Variants in PRRG4 observed in about 807,000 individuals in gnomAD.
PRRG4 encodes proline rich and Gla domain 4, also known as transmembrane gamma-carboxyglutamic acid protein 4.
A neutral mutation model predicts 20.0 loss-of-function variants in PRRG4; 12 were observed. The observed-to-expected ratio is 0.60, with a 90% CI of 0.38 to 0.97. The LOEUF (loss-of-function observed/expected upper bound fraction) is 0.97. Among genes scored for constraint, PRRG4 ranks in the 50% least tolerant of loss-of-function variants. The pLI is 0.00. For missense variants in PRRG4, 199 were observed against 265.1 expected (o/e 0.75, Z 1.73); for synonymous variants, 94 against 96.4 (o/e 0.98, Z 0.15).
intron 2 of PRRG4, among the ~76,000 whole-genome samples, chr11:32,835,350 T>C (rs1202401482): frequency 6.6e-6 from 1 of 152,262 alleles, no homozygotes; most frequent in Non-Finnish European, 1.5e-5. Context: ...CCTACTTTAA[T>C]ACATTCTTTC....
intron 5 of PRRG4, 104 bp from the exon 6 acceptor site, chr11:32,853,192 T>G: frequency 1.3e-6 from 1 of 771,134 alleles, no homozygotes; most frequent in Non-Finnish European, 2.2e-6. Flanking sequence ...TATTAATACA[T>G]TGTGTTTAAT....
chr11:32,833,060 G>A (rs924830169), intron 2 of PRRG4, among the ~76,000 whole-genome samples: 1 of 152,142 alleles, frequency 6.6e-6, no homozygotes, highest in African/African-American at 2.4e-5. Flanking sequence ...TCAAGGGCAG[G>A]GAAGTTTGCT....
At position 32,830,045 on chromosome 11, in the gene PRRG4, C is replaced by A; in HGVS notation, c.-151C>A. On this transcript the variant is annotated 5_prime_UTR_variant, in exon 1 of 6. Transcript: ENST00000257836. The stretch of plus-strand genomic sequence containing the variant: ...GCGCGCGGGGGCCATCCAGACCCTG[C>A]GGAGAGCGAGGCCCGGAGCGTCGCC... 1.0e-6 allele frequency: 1 copy of A among 987,256 alleles called. No homozygotes were observed. The highest frequency in any genetic ancestry group is 1.2e-6 in the Non-Finnish European group (1 of 831,284). 61.2% of individuals were successfully genotyped at this position (987,256 alleles called of 1,614,324 possible). A position where few individuals can be genotyped will look rare whatever the true frequency, so the allele number is the denominator to read the frequency against.
rs1014668339 is a variant in PRRG4, at chr11:32,830,774, G to C, written c.103+142G>C. 5.8e-6 allele frequency: 8 copies of C among 1,375,762 alleles called. No homozygotes were observed. In the African/African-American group the frequency reaches 7.4e-5, roughly 13 times the overall value. The allele number at this position is 1,375,762 out of a possible 1,614,324, so 85.2% of individuals were successfully genotyped here. The stretch of plus-strand genomic sequence containing the variant: ...GTTTAATTTGTGGCATATTTGGCAA[G>C]GTTGTGTTTTTTTATGTTCTTTAAC... On this transcript the variant is annotated intron_variant, in intron 2 of 5. Coordinates refer to ENST00000257836, the MANE Select transcript of PRRG4 (RefSeq NM_024081.6).
intron 5 of PRRG4, among the ~76,000 whole-genome samples, chr11:32,851,984 A>T (rs1030284665): frequency 1.3e-5 from 2 of 152,224 alleles, no homozygotes; most frequent in Admixed American, 1.3e-4. Flanking sequence ...TGTCTAAATC[A>T]TAATTTGTAC....
rs1851230853 is a variant in PRRG4, at chr11:32,856,858, G to C, written c.*3331G>C. 6.6e-6 allele frequency: 1 copy of C among 151,992 alleles called. No homozygotes were observed. The allele number at this position is 151,992 out of a possible 1,614,324, so 9.4% of individuals were successfully genotyped here. ...TTTTATTTTTAATTTTTTGAGACAA[G>C]GTCTTGCTCTGCTACCCAGGCTGGA... On this transcript the variant is annotated 3_prime_UTR_variant, in exon 6 of 6. Transcript: ENST00000257836.
intron 3 of PRRG4, among the ~76,000 whole-genome samples, chr11:32,838,310 C>T (rs987623640): frequency 3.3e-5 from 5 of 151,820 alleles, no homozygotes; most frequent in African/African-American, 1.2e-4. Flanking sequence ...GAAAAAATTA[C>T]CTGGGCGTGG....
intron 5 of PRRG4, among the ~76,000 whole-genome samples, chr11:32,845,625 CAAAAAAA>C (rs749171678): frequency 8.8e-6 from 1 of 113,634 alleles, no homozygotes; most frequent in African/African-American, 3.3e-5. Context: ...GACTCCGTTT[CAAAAAAA>C]AAAAAAAAGA....
chr11:32,839,079 A>C, intron 4 of PRRG4, 149 bp downstream of exon 4: 5 of 605,236 alleles, frequency 8.3e-6, no homozygotes, highest in South Asian at 8.2e-5. Flanking sequence ...GGGCTATCTC[A>C]GACAGAAAAG....
chr11:32,857,879 T>C lies in PRRG4; in HGVS notation c.*4352T>C, dbSNP rs1190485291. The C allele has an allele frequency of 6.6e-6, 1 of 152,214 alleles. No homozygotes were observed. Among genetic ancestry groups the C allele is most frequent in the Non-Finnish European group, 1.5e-5 (1 of 68,032 alleles). 9.4% of individuals were successfully genotyped at this position (152,214 alleles called of 1,614,324 possible). ...ACATGTGTGACATATATCAGTACCT[T>C]CATTCTTCTATATTTTGTGTCTCCT... On this transcript the variant is annotated 3_prime_UTR_variant, in exon 6 of 6. Coordinates refer to ENST00000257836, the MANE Select transcript of PRRG4 (RefSeq NM_024081.6).
At chr11:32,832,007 C>CAAATAAAT (rs150086015) in intron 2 of PRRG4, among the ~76,000 whole-genome samples, 5 of 151,650 alleles carry the variant, frequency 3.3e-5, no homozygotes, top group Non-Finnish European at 7.4e-5. Context: ...AAAATAAAAG[C>CAAATAAAT]AAATAAATAA....
chr11:32,853,224 G>A lies in PRRG4; in HGVS notation c.450-72G>A, dbSNP rs1205961877. The stretch of plus-strand genomic sequence containing the variant: ...TAATGTTTATTAAGATAGTTGGTTG[G>A]ATTTTTAAATATTGTCCTCTCAACC... On this transcript the variant is annotated intron_variant, in intron 5 of 5. Transcript: ENST00000257836. 5 of 1,036,376 alleles carry A rather than the reference G, an allele frequency of 4.8e-6. No homozygotes were observed. The East Asian group carries it at 1.2e-4, about 25-fold the overall frequency. 64.2% of individuals were successfully genotyped at this position (1,036,376 alleles called of 1,614,324 possible). A position where few individuals can be genotyped will look rare whatever the true frequency, so the allele number is the denominator to read the frequency against.
chr11:32,838,118 A>T (rs1270584140), intron 3 of PRRG4, among the ~76,000 whole-genome samples: 1 of 152,164 alleles, frequency 6.6e-6, no homozygotes, highest in Non-Finnish European at 1.5e-5. Flanking sequence ...CACTGAACTT[A>T]AAATTGTCTC....
chr11:32,849,400 C>T (rs1191601609), intron 5 of PRRG4, among the ~76,000 whole-genome samples: 2 of 152,056 alleles, frequency 1.3e-5, no homozygotes, highest in East Asian at 1.9e-4. Flanking sequence ...CATGGTGGCT[C>T]ATGCCTGTAA....
Position 32,837,507 on chromosome 11 carries a change from A to AGATGAT in PRRG4, c.267+717_267+722dup, listed in dbSNP as rs145836180. On this transcript the variant is annotated intron_variant, in intron 3 of 5. Coordinates refer to ENST00000257836, the MANE Select transcript of PRRG4 (RefSeq NM_024081.6). Reference sequence around the variant, plus strand: ...AGTCTTGAAAAATGTTAACTAACTGAGATGATGATGATGATGATGATGATG... The same window carrying AGATGAT: ...AGTCTTGAAAAATGTTAACTAACTGAGATGATGATGATGATGATGATGATGATGATG... Among the ~76,000 whole-genome samples the AGATGAT allele has an allele frequency of 4.8e-3, 650 of 134,670 alleles. 4 individuals carry two copies. Among genetic ancestry groups the AGATGAT allele is most frequent in the African/African-American group, 9.7e-3 (350 of 36,222 alleles). 88.3% of individuals were successfully genotyped at this position (134,670 alleles called of 152,430 possible). A position where few individuals can be genotyped will look rare whatever the true frequency, so the allele number is the denominator to read the frequency against.
chr11:32,856,091 T>C lies in PRRG4; in HGVS notation c.*2564T>C, dbSNP rs1851225796. ...TATATATGTACATGTTACATATATT[T>C]AGATGTATTCTCATATACATATGAA... On this transcript the variant is annotated 3_prime_UTR_variant, in exon 6 of 6. Coordinates refer to ENST00000257836, the MANE Select transcript of PRRG4 (RefSeq NM_024081.6). 6.6e-6 allele frequency: 1 copy of C among 152,226 alleles called. No individual in the cohort carries two copies. The highest frequency in any genetic ancestry group is 2.4e-5 in the African/African-American group (1 of 41,462). 9.4% of individuals were successfully genotyped at this position (152,226 alleles called of 1,614,324 possible).
chr11:32,832,916 C>CT (rs1850987483), intron 2 of PRRG4, among the ~76,000 whole-genome samples: 2 of 152,154 alleles, frequency 1.3e-5, no homozygotes, highest in African/African-American at 4.8e-5. Context: ...AATGCATGGA[C>CT]AGCCTCTTAG....
intron 3 of PRRG4, among the ~76,000 whole-genome samples, chr11:32,837,528 TG>T (rs1851032767): frequency 8.9e-6 from 1 of 112,370 alleles, no homozygotes; most frequent in African/African-American, 3.6e-5. Context: ...ATGATGATGA[TG>T]ATGATGATGA....
At position 32,830,727 on chromosome 11, in the gene PRRG4, A is replaced by G. The variant is rs1391512600; in HGVS notation, c.103+95A>G. 1.1e-5 allele frequency: 17 copies of G among 1,570,662 alleles called. No homozygotes were observed. In the South Asian group the frequency reaches 1.9e-4, roughly 17 times the overall value. ...GAAATTACATACCCCCAGCAATCATAGAAACACTAAAATATCCTTTAGTTT... is the reference window on the plus strand; with the variant it reads ...GAAATTACATACCCCCAGCAATCATGGAAACACTAAAATATCCTTTAGTTT... On this transcript the variant is annotated intron_variant, in intron 2 of 5. Transcript: ENST00000257836.
Sources: gnomAD v4.1 joint callset for allele counts (sites outside exome capture counted in the v4.1 genomes callset) on GRCh38, gnomAD v4.1.1 for gene constraint, MANE v1.5 for transcripts, NCBI Gene and HGNC (gene_info 2026-07-23, HGNC 2026-07-21) for gene names.